The following ROBO2 variants were observed in gnomAD, a reference collection of about 807,000 sequenced individuals.
The protein encoded by ROBO2 is roundabout guidance receptor 2.
ROBO2 carries 53 observed loss-of-function variants against 160.8 expected under a neutral mutation model. That is an observed-to-expected ratio of 0.33 (90% confidence interval 0.26 to 0.41). The LOEUF is 0.41. Among genes scored for constraint, ROBO2 ranks in the 10% least tolerant of loss-of-function variants. The pLI is 1.00. For missense variants in ROBO2, 1,577 were observed against 1,722.4 expected, an observed-to-expected ratio of 0.92 and a Z score of 1.49; for synonymous variants, 664 against 611.7, an observed-to-expected ratio of 1.09 and a Z score of -1.26.
rs534659351 is a variant in ROBO2 at position 77,646,292 on chromosome 3, A to G, written c.*237A>G. ...CAGGAGTATATAAAAAAGAAAGAAA[A>G]CAAAACTCGCCCTACAGGAAGAAAA... is the stretch of plus-strand genomic sequence containing the variant. On this transcript the variant is annotated 3_prime_UTR_variant, in exon 26 of 26. Coordinates refer to ENST00000461745, the Ensembl canonical transcript of ROBO2. 6 of 399,592 alleles carry G rather than the reference A, an allele frequency of 1.5e-5. No homozygotes were observed. In the East Asian group the frequency reaches 2.2e-4, roughly 15 times the overall value. 24.8% of individuals were successfully genotyped at this position (399,592 alleles called of 1,614,324 possible). A position where few individuals can be genotyped will look rare whatever the true frequency, so the allele number is the denominator to read the frequency against.
intron 2 of ROBO2, among the ~76,000 whole-genome samples, chr3:76,125,652 TGA>T (rs1264926326): frequency 6.6e-6 from 1 of 152,190 alleles, no homozygotes; most frequent in East Asian, 1.9e-4. Flanking sequence ...TGTCTTCTAC[TGA>T]GAGGCAAACA....
intron 2 of ROBO2, among the ~76,000 whole-genome samples, chr3:76,368,573 T>A (rs2075951739): frequency 1.3e-5 from 2 of 151,936 alleles, no homozygotes; most frequent in Non-Finnish European, 1.5e-5. Context: ...CTCAGCATGA[T>A]CCTGTCAGAG....
chr3:77,221,279 T>A (rs1049508299), intron 2 of ROBO2, among the ~76,000 whole-genome samples: 2 of 152,168 alleles, frequency 1.3e-5, no homozygotes, highest in Admixed American at 1.3e-4. Context: ...TCAGACCAAG[T>A]AGATAGAAGG....
intron 25 of ROBO2, among the ~76,000 whole-genome samples, 165 bp from the exon 28 acceptor site, chr3:77,645,889 A>T (rs866414798): frequency 1.3e-5 from 2 of 151,928 alleles, no homozygotes; most frequent in Non-Finnish European, 2.9e-5. Flanking sequence ...CTTTCCTTTT[A>T]CTCTTTGATC....
At chr3:76,754,416 T>A (rs2060851170) in intron 2 of ROBO2, among the ~76,000 whole-genome samples, 1 of 151,826 alleles carries the variant, frequency 6.6e-6, no homozygotes. Flanking sequence ...AGGGGCAGCA[T>A]AACCCCTTCA....
chr3:77,361,876 A>G (rs752950584), intron 2 of ROBO2, among the ~76,000 whole-genome samples: 1 of 152,186 alleles, frequency 6.6e-6, no homozygotes, highest in Non-Finnish European at 1.5e-5. Context: ...TCCAAATTTA[A>G]GATCTTGTTA....
intron 2 of ROBO2, among the ~76,000 whole-genome samples, chr3:76,281,010 T>C (rs1708203860): frequency 6.6e-6 from 1 of 152,026 alleles, no homozygotes; most frequent in South Asian, 2.1e-4. Flanking sequence ...AAGTCACTTA[T>C]ATCTTTTGAT....
chr3:76,825,161 C>CT (rs1417438642), intron 2 of ROBO2, among the ~76,000 whole-genome samples: 1 of 152,148 alleles, frequency 6.6e-6, no homozygotes. Flanking sequence ...GCCATACCCT[C>CT]TACCAACAAA....
intron 2 of ROBO2, among the ~76,000 whole-genome samples, chr3:76,037,269 T>C (rs999024499): frequency 2.6e-5 from 4 of 151,118 alleles, no homozygotes; most frequent in Admixed American, 6.6e-5. Flanking sequence ...TCTTTTTTTT[T>C]TTTTTTTAGA....
At chr3:76,614,153 T>C (rs902292186) in intron 2 of ROBO2, among the ~76,000 whole-genome samples, 1 of 152,146 alleles carries the variant, frequency 6.6e-6, no homozygotes, top group Non-Finnish European at 1.5e-5. Context: ...GCATGAACTA[T>C]GCATATCAGC....
chr3:76,054,111 A>G (rs1335618149), intron 2 of ROBO2, among the ~76,000 whole-genome samples: 3 of 152,050 alleles, frequency 2.0e-5, no homozygotes, highest in Admixed American at 2.0e-4. Flanking sequence ...GCCTTTTTGT[A>G]ATTGAGAGTT....
rs1168868883 is a variant in ROBO2, at chr3:76,863,452, AAG to A, written c.110-234560_110-234559del. Among the ~76,000 whole-genome samples, 1,137 of 118,300 alleles carry A rather than the reference AAG, an allele frequency of 9.6e-3. 47 individuals are homozygous for A. The East Asian group carries it at 0.16, about 17-fold the overall frequency. The allele number at this position is 118,300 out of a possible 152,430, so 77.6% of individuals were successfully genotyped here. ...GAACCTGTCTCAAAAAAAAAGAAAA[AAG>A]AAAAGAAAAGAAAGAAAATAAAGCA... On this transcript the variant is annotated intron_variant, in intron 2 of 26. Transcript: ENST00000487694.
At chr3:77,182,405 G>C (rs2080872367) in intron 2 of ROBO2, among the ~76,000 whole-genome samples, 1 of 152,088 alleles carries the variant, frequency 6.6e-6, no homozygotes, top group Admixed American at 6.6e-5. Flanking sequence ...ATAAATGATT[G>C]TAGAGTACAG....
chr3:76,457,537 C>T (rs182543767), intron 2 of ROBO2, among the ~76,000 whole-genome samples: 25 of 152,206 alleles, frequency 1.6e-4, no homozygotes, highest in Admixed American at 2.6e-4. Flanking sequence ...TCCAGGTGCA[C>T]GGTGCAAGCT....
intron 2 of ROBO2, among the ~76,000 whole-genome samples, chr3:77,188,486 A>G (rs1354887130): frequency 6.6e-6 from 1 of 151,802 alleles, no homozygotes; most frequent in Non-Finnish European, 1.5e-5. Context: ...TGAGCATGGG[A>G]CTGCATTGCT....
At chr3:77,270,539 A>G (rs1376042930) in intron 2 of ROBO2, among the ~76,000 whole-genome samples, 1 of 146,428 alleles carries the variant, frequency 6.8e-6, no homozygotes, top group Non-Finnish European at 1.5e-5. Context: ...GGTTTTTTTA[A>G]CTAATAGGAC....
chr3:76,935,235 G>T (rs1163601214), intron 2 of ROBO2, among the ~76,000 whole-genome samples: 2 of 152,024 alleles, frequency 1.3e-5, no homozygotes, highest in Admixed American at 1.3e-4. Flanking sequence ...TTAAAGACAT[G>T]AGCCACCACA....
chr3:76,739,025 A>G (rs987944033), intron 2 of ROBO2, among the ~76,000 whole-genome samples: 3 of 152,146 alleles, frequency 2.0e-5, no homozygotes, highest in African/African-American at 7.2e-5. Flanking sequence ...TTCTTGCATT[A>G]TAACAGAGCA....
chr3:77,121,466 G>C (rs1389422166), intron 2 of ROBO2, among the ~76,000 whole-genome samples: 2 of 152,044 alleles, frequency 1.3e-5, no homozygotes, highest in African/African-American at 4.8e-5. Flanking sequence ...TACTGGAATG[G>C]GGAAATACAA....
Sources: allele counts gnomAD v4.1 joint callset (sites outside exome capture counted in the v4.1 genomes callset), GRCh38; gene constraint gnomAD v4.1.1; transcripts MANE v1.5; gene names NCBI Gene and HGNC (gene_info 2026-07-23, HGNC 2026-07-21).